RABGAP1L: variants seen among roughly 807,000 people sequenced by gnomAD.
The protein encoded by RABGAP1L is RAB GTPase activating protein 1 like.
Under a neutral mutation model 137.7 loss-of-function variants are expected in RABGAP1L, and 63 were observed. That is an observed-to-expected ratio of 0.46 (90% CI 0.37 to 0.56). The LOEUF (loss-of-function observed/expected upper bound fraction) is 0.56, where lower values mean the gene tolerates loss of function less well. Among genes scored for constraint, RABGAP1L ranks in the 20% least tolerant of loss-of-function variants. The pLI, the probability that RABGAP1L is intolerant of heterozygous loss-of-function variation, is 0.00. For synonymous variants in RABGAP1L, 431 were observed against 433.7 expected, an observed-to-expected ratio of 0.99 and a Z score of 0.08; for missense variants, 1,095 against 1,244.0, an observed-to-expected ratio of 0.88 and a Z score of 1.80.
chr1:174,955,937 A>G (rs908419692), intron 19 of RABGAP1L, among the ~76,000 whole-genome samples: 30 of 152,172 alleles, frequency 2.0e-4, no homozygotes, highest in Admixed American at 1.4e-3. Context: ...AAATAAAATA[A>G]TATAAGTAAG....
intron 13 of RABGAP1L, among the ~76,000 whole-genome samples, chr1:174,531,749 TG>T (rs1438629230): frequency 1.4e-3 from 103 of 73,790 alleles, no homozygotes; most frequent in East Asian, 6.7e-3. Context: ...GTCTCGGGGG[TG>T]GGGGGGGGGA....
At chr1:174,294,378 G>C (rs999106240) in intron 10 of RABGAP1L, among the ~76,000 whole-genome samples, 1 of 152,154 alleles carries the variant, frequency 6.6e-6, no homozygotes, top group African/African-American at 2.4e-5. Flanking sequence ...TTCAGTCAGA[G>C]ACAATAGTTG....
chr1:174,732,527 G>A (rs981994456), intron 17 of RABGAP1L, among the ~76,000 whole-genome samples: 2 of 151,852 alleles, frequency 1.3e-5, no homozygotes, highest in Admixed American at 6.6e-5. Flanking sequence ...AAATTAGTAC[G>A]CATGAGAACA....
intron 20 of RABGAP1L, among the ~76,000 whole-genome samples, chr1:174,958,829 T>G (rs928589657): frequency 6.6e-6 from 1 of 152,178 alleles, no homozygotes; most frequent in East Asian, 1.9e-4. Context: ...TTCAGCATCT[T>G]CGACTAGTTA....
At chr1:174,840,352 A>G (rs111510183) in intron 19 of RABGAP1L, among the ~76,000 whole-genome samples, 7 of 152,340 alleles carry the variant, frequency 4.6e-5, no homozygotes, top group African/African-American at 1.4e-4. Context: ...TCCAGACTAC[A>G]AAATGTGATG....
intron 13 of RABGAP1L, among the ~76,000 whole-genome samples, chr1:174,535,912 T>C (rs1287231662): frequency 6.6e-6 from 1 of 152,176 alleles, no homozygotes; most frequent in Non-Finnish European, 1.5e-5. Context: ...GGTTTGACCT[T>C]GAAAATTTTT....
intron 10 of RABGAP1L, among the ~76,000 whole-genome samples, chr1:174,286,589 A>G (rs1005786191): frequency 4.0e-5 from 6 of 151,640 alleles, no homozygotes; most frequent in African/African-American, 1.2e-4. Flanking sequence ...TATTTTTTCC[A>G]TATGCTAATT....
chr1:174,756,598 A>G (rs1684784920), intron 18 of RABGAP1L, among the ~76,000 whole-genome samples: 1 of 152,168 alleles, frequency 6.6e-6, no homozygotes, highest in Non-Finnish European at 1.5e-5. Context: ...GGATGGGGCC[A>G]GGAATCCATT....
At chr1:174,640,173 A>G (rs1674413003) in intron 14 of RABGAP1L, among the ~76,000 whole-genome samples, 2 of 152,136 alleles carry the variant, frequency 1.3e-5, no homozygotes, top group African/African-American at 4.8e-5. Context: ...AGAGATGTAT[A>G]CATCCTACCC....
intron 19 of RABGAP1L, among the ~76,000 whole-genome samples, chr1:174,914,831 C>A (rs1363281400): frequency 6.6e-6 from 1 of 152,108 alleles, no homozygotes; most frequent in Non-Finnish European, 1.5e-5. Context: ...AGCCCTCATC[C>A]TACCCCCCAG....
At chr1:174,412,863 A>G (rs965075570) in intron 13 of RABGAP1L, among the ~76,000 whole-genome samples, 16 of 152,024 alleles carry the variant, frequency 1.1e-4, no homozygotes, top group Non-Finnish European at 1.8e-4. Flanking sequence ...TTTGTACATG[A>G]TCTGACCTTT....
chr1:174,859,532 A>G (rs764402491), intron 19 of RABGAP1L, among the ~76,000 whole-genome samples: 6 of 151,838 alleles, frequency 4.0e-5, no homozygotes, highest in Non-Finnish European at 7.4e-5. Context: ...CTATACAGCC[A>G]TAAAAAAGAA....
chr1:174,337,580 T>G (rs1681597765), intron 11 of RABGAP1L, among the ~76,000 whole-genome samples: 1 of 152,176 alleles, frequency 6.6e-6, no homozygotes, highest in Non-Finnish European at 1.5e-5. Context: ...TGAGGAAGAT[T>G]AAGCTGGAAG....
intron 19 of RABGAP1L, among the ~76,000 whole-genome samples, chr1:174,866,232 T>A (rs1031828738): frequency 4.0e-5 from 6 of 151,702 alleles, no homozygotes; most frequent in Non-Finnish European, 2.9e-5. Context: ...CCTTCTCTCA[T>A]CTTTCCCTCT....
intron 12 of RABGAP1L, among the ~76,000 whole-genome samples, chr1:174,386,635 G>A (rs1259159261): frequency 6.6e-6 from 1 of 151,976 alleles, no homozygotes; most frequent in Non-Finnish European, 1.5e-5. Flanking sequence ...AGCCTCCTGG[G>A]TAGCTGGGAT....
chr1:174,417,502 C>T (rs1650741214), intron 13 of RABGAP1L, among the ~76,000 whole-genome samples: 1 of 152,116 alleles, frequency 6.6e-6, no homozygotes, highest in Non-Finnish European at 1.5e-5. Flanking sequence ...TTATTAAATG[C>T]CCAACTTATA....
At chr1:174,321,572 G>A (rs1383352044) in intron 11 of RABGAP1L, among the ~76,000 whole-genome samples, 1 of 152,096 alleles carries the variant, frequency 6.6e-6, no homozygotes, top group African/African-American at 2.4e-5. Flanking sequence ...AACCTACATT[G>A]AAATATTGGG....
chr1:174,804,325 C>T lies in RABGAP1L; in HGVS notation c.2212-7507C>T, dbSNP rs561883244. Among the ~76,000 whole-genome samples, 59 of 144,076 alleles carry T rather than the reference C, an allele frequency of 4.1e-4. 1 individual carries two copies. The South Asian group carries it at 0.013, about 32-fold the overall frequency. The allele number at this position is 144,076 out of a possible 152,430, so 94.5% of individuals were successfully genotyped here. A position where few individuals can be genotyped will look rare whatever the true frequency, so the allele number is the denominator to read the frequency against. On this transcript the variant is annotated intron_variant, in intron 18 of 25. Transcript: ENST00000681986. Reference sequence around the variant, plus strand: ...GGTTTCAGTTACCCAGGCTGGAGTGCAGTGGTGTGATTTTGGCTCACTGCA... The same window carrying T: ...GGTTTCAGTTACCCAGGCTGGAGTGTAGTGGTGTGATTTTGGCTCACTGCA...
chr1:174,946,849 C>T (rs991443448), intron 19 of RABGAP1L, among the ~76,000 whole-genome samples: 5 of 140,088 alleles, frequency 3.6e-5, no homozygotes, highest in African/African-American at 8.2e-5. Context: ...TGCAGTGAGC[C>T]GAGATCATGC....
Sources: gnomAD v4.1 joint callset for allele counts (sites outside exome capture counted in the v4.1 genomes callset) on GRCh38, gnomAD v4.1.1 for gene constraint, MANE v1.5 for transcripts, NCBI Gene and HGNC (gene_info 2026-07-23, HGNC 2026-07-21) for gene names.